The following STXBP5L variants were observed in gnomAD, a reference collection of about 807,000 sequenced individuals.
The protein encoded by STXBP5L is syntaxin binding protein 5L.
In STXBP5L, 65 loss-of-function variants were observed where a neutral mutation model predicts 144.5. The observed-to-expected ratio is 0.45, with a 90% confidence interval of 0.37 to 0.55. The LOEUF (loss-of-function observed/expected upper bound fraction) is 0.55, where lower values mean the gene tolerates loss of function less well. Among genes scored for constraint, STXBP5L ranks in the 20% least tolerant of loss-of-function variants. The pLI is 0.00. For missense variants in STXBP5L, 1,298 were observed against 1,405.5 expected (o/e 0.92, Z 1.22); for synonymous variants, 505 against 469.6 (o/e 1.08, Z -0.97).
Position 121,041,725 on chromosome 3 carries a change from T to C in STXBP5L, c.313T>C (p.Tyr105His). 6.2e-7 allele frequency: 1 copy of C among 1,612,834 alleles called. No individual in the cohort carries two copies. Among genetic ancestry groups the C allele is most frequent in the Non-Finnish European group, 8.5e-7 (1 of 1,179,176 alleles). Reference sequence around the variant, plus strand: ...ACTCGGGAGACCTGGTGTTGATTGCTATTGCCAACATGAAAGTGGTGCAGC... The same window carrying C: ...ACTCGGGAGACCTGGTGTTGATTGCCATTGCCAACATGAAAGTGGTGCAGC... Reference protein sequence around the residue: ...RILGRPGVDCYCQHESGAAVL... With the variant: ...RILGRPGVDCHCQHESGAAVL... The change falls in exon 4 of 27, where the codon TAT becomes CAT. Residue 105 changes from tyrosine (Y) to histidine (H), a missense_variant. Physicochemically the swap from Tyr to His is moderately conservative, Grantham distance 83. Coordinates refer to ENST00000471454, the MANE Select transcript of STXBP5L (RefSeq NM_001308330.2).
rs1392747946 is a variant in STXBP5L at position 121,223,043 on chromosome 3, A to G, written c.997A>G (p.Lys333Glu). 1 of 1,612,564 alleles carries G rather than the reference A, an allele frequency of 6.2e-7. No homozygotes were observed. Among genetic ancestry groups the G allele is most frequent in the Non-Finnish European group, 8.5e-7 (1 of 1,179,418 alleles). ...IIFSGGLSYD[K>E]ACRRPSLTIM... ...ATTCTCTGGTGGGCTGTCCTATGAC[A>G]AAGCTTGTAGAAGACCAAGTTTAAC... is the stretch of plus-strand genomic sequence containing the variant. The change falls in exon 11 of 27, where the codon AAA (lysine) becomes GAA (glutamate). Residue 333 changes from lysine to glutamate, a missense_variant. Transcript: ENST00000471454.
intron 20 of STXBP5L, among the ~76,000 whole-genome samples, chr3:121,346,326 C>T (rs1331183733): frequency 1.3e-5 from 2 of 152,002 alleles, no homozygotes; most frequent in Admixed American, 1.3e-4. Context: ...GTATATGTGC[C>T]ACATTTTCTT....
At chr3:120,910,796 T>A (rs1708795869) in intron 2 of STXBP5L, among the ~76,000 whole-genome samples, 1 of 152,156 alleles carries the variant, frequency 6.6e-6, no homozygotes, top group Non-Finnish European at 1.5e-5. Context: ...AGGGTCATTA[T>A]AAAAACATTA....
intron 25 of STXBP5L, among the ~76,000 whole-genome samples, chr3:121,417,063 A>T (rs376448230): frequency 2.0e-5 from 3 of 151,990 alleles, no homozygotes; most frequent in East Asian, 3.9e-4. Flanking sequence ...GAAGCCAGAC[A>T]AAAAAAAGGC....
intron 5 of STXBP5L, among the ~76,000 whole-genome samples, chr3:121,064,261 A>C (rs2041432468): frequency 6.6e-6 from 1 of 152,170 alleles, no homozygotes; most frequent in African/African-American, 2.4e-5. Context: ...TGGGTGAGGC[A>C]ACGCCCCACC....
chr3:121,408,330 A>C (rs962952013), intron 23 of STXBP5L, among the ~76,000 whole-genome samples: 5 of 152,104 alleles, frequency 3.3e-5, no homozygotes, highest in African/African-American at 1.2e-4. Context: ...TCATTTTTTT[A>C]ATATCTCACT....
chr3:121,018,511 A>G (rs2108192866), intron 3 of STXBP5L, among the ~76,000 whole-genome samples: 1 of 139,070 alleles, frequency 7.2e-6, no homozygotes, highest in East Asian at 2.0e-4. Context: ...GAACAACTGG[A>G]CATCCATATA....
At chr3:121,375,758 T>C (rs2046164151) in intron 20 of STXBP5L, among the ~76,000 whole-genome samples, 1 of 152,182 alleles carries the variant, frequency 6.6e-6, no homozygotes, top group African/African-American at 2.4e-5. Context: ...CTTTTCAAAC[T>C]CTATAATACA....
chr3:121,307,638 GA>G (rs990763412), intron 19 of STXBP5L, among the ~76,000 whole-genome samples: 1 of 151,620 alleles, frequency 6.6e-6, no homozygotes, highest in East Asian at 1.9e-4. Flanking sequence ...AGGACAGAGA[GA>G]AAAAAATATG....
At chr3:121,191,329 G>A (rs2047671571) in intron 9 of STXBP5L, among the ~76,000 whole-genome samples, 1 of 152,200 alleles carries the variant, frequency 6.6e-6, no homozygotes, top group Admixed American at 6.5e-5. Context: ...CTCGCGGTCA[G>A]GAGCTGGAGA....
intron 3 of STXBP5L, among the ~76,000 whole-genome samples, chr3:120,968,347 A>G (rs1559925823): frequency 1.3e-5 from 2 of 152,154 alleles, no homozygotes; most frequent in Non-Finnish European, 2.9e-5. Context: ...CTTCATCATC[A>G]TATAATGACC....
intron 3 of STXBP5L, among the ~76,000 whole-genome samples, chr3:120,991,254 A>G (rs1942836794): frequency 1.3e-5 from 2 of 151,780 alleles, no homozygotes; most frequent in Admixed American, 1.3e-4. Context: ...TGGCCATCAG[A>G]GAAATGCAAA....
intron 3 of STXBP5L, among the ~76,000 whole-genome samples, chr3:121,015,145 GTTTTTA>G (rs896301555): frequency 2.0e-5 from 3 of 151,966 alleles, no homozygotes; most frequent in African/African-American, 7.2e-5. Flanking sequence ...TGTTGTTTTT[GTTTTTA>G]TTTTTGGTAA....
chr3:121,143,274 A>G (rs2045580455), intron 7 of STXBP5L, among the ~76,000 whole-genome samples: 2 of 150,616 alleles, frequency 1.3e-5, no homozygotes, highest in Admixed American at 6.6e-5. Flanking sequence ...ATTTGAAGAA[A>G]TAACATCAGT....
At chr3:121,123,069 TCTTA>T (rs1404197024) in intron 7 of STXBP5L, among the ~76,000 whole-genome samples, 1 of 151,560 alleles carries the variant, frequency 6.6e-6, no homozygotes, top group Non-Finnish European at 1.5e-5. Context: ...TGTTGTTGCC[TCTTA>T]CTTCTAGAGA....
At chr3:120,975,814 G>T (rs1394745054) in intron 3 of STXBP5L, among the ~76,000 whole-genome samples, 1 of 151,766 alleles carries the variant, frequency 6.6e-6, no homozygotes, top group Non-Finnish European at 1.5e-5. Flanking sequence ...TGTGGTTTTT[G>T]TCTTTGGTTC....
At chr3:121,407,197 T>C (rs778866782) in intron 22 of STXBP5L, 46 bp from the exon 23 acceptor site, 1 of 1,519,782 alleles carries the variant, frequency 6.6e-7, no homozygotes, top group East Asian at 2.3e-5. Flanking sequence ...CTATAGATGC[T>C]TTAGAATGAA....
chr3:121,103,921 G>C (rs1212759708), intron 5 of STXBP5L, among the ~76,000 whole-genome samples: 1 of 152,116 alleles, frequency 6.6e-6, no homozygotes, highest in Non-Finnish European at 1.5e-5. Context: ...ACTGCAGACA[G>C]GGTATTACGT....
chr3:121,329,052 T>C (rs2044241433), intron 20 of STXBP5L, among the ~76,000 whole-genome samples: 1 of 152,116 alleles, frequency 6.6e-6, no homozygotes, highest in East Asian at 1.9e-4. Flanking sequence ...TGTATGTATA[T>C]ATATTATATA....
Sources: gnomAD v4.1 joint callset for allele counts (sites outside exome capture counted in the v4.1 genomes callset) on GRCh38, gnomAD v4.1.1 for gene constraint, MANE v1.5 for transcripts, NCBI Gene and HGNC (gene_info 2026-07-23, HGNC 2026-07-21) for gene names.